The following CNTNAP2 variants were observed in gnomAD, a reference collection of about 807,000 sequenced individuals.
The protein encoded by CNTNAP2 is contactin-associated protein-like 2.
A neutral mutation model predicts 155.2 loss-of-function variants in CNTNAP2; 98 were observed. The observed-to-expected ratio is 0.63, with a 90% CI of 0.54 to 0.75. The LOEUF is 0.75. Among genes scored for constraint, CNTNAP2 ranks in the 30% least tolerant of loss-of-function variants. CNTNAP2 has a pLI of 0.00. For missense variants in CNTNAP2, 1,727 were observed against 1,688.1 expected (o/e 1.02, Z -0.40); for synonymous variants, 651 against 631.2 (o/e 1.03, Z -0.47).
intron 10 of CNTNAP2, among the ~76,000 whole-genome samples, chr7:147,450,594 C>T (rs1261886318): frequency 6.6e-6 from 1 of 152,140 alleles, no homozygotes; most frequent in Non-Finnish European, 1.5e-5. Flanking sequence ...AAAGAAGATA[C>T]CTTCCCACCT....
At chr7:147,640,200 C>T (rs1795250869) in intron 13 of CNTNAP2, among the ~76,000 whole-genome samples, 1 of 151,952 alleles carries the variant, frequency 6.6e-6, no homozygotes, top group African/African-American at 2.4e-5. Flanking sequence ...CTAAATCAAA[C>T]TAACATATGC....
intron 4 of CNTNAP2, among the ~76,000 whole-genome samples, chr7:147,101,338 G>T (rs1053334471): frequency 1.3e-5 from 2 of 152,194 alleles, no homozygotes; most frequent in African/African-American, 4.8e-5. Flanking sequence ...TGCAACAAGG[G>T]TGTGGCTCCA....
intron 21 of CNTNAP2, among the ~76,000 whole-genome samples, chr7:148,270,502 G>A (rs901363487): frequency 1.3e-5 from 2 of 152,156 alleles, no homozygotes; most frequent in East Asian, 1.9e-4. Flanking sequence ...CTACAAGCCT[G>A]TGACCTCCCT....
chr7:147,726,185 G>A (rs149887901), intron 13 of CNTNAP2, among the ~76,000 whole-genome samples: 12 of 152,048 alleles, frequency 7.9e-5, no homozygotes, highest in African/African-American at 2.4e-4. Context: ...CCTGTACAAC[G>A]TGATACCTAT....
At chr7:146,229,597 T>A (rs1208591160) in intron 1 of CNTNAP2, among the ~76,000 whole-genome samples, 2 of 145,926 alleles carry the variant, frequency 1.4e-5, no homozygotes, top group Non-Finnish European at 3.0e-5. Flanking sequence ...GTTACATTAA[T>A]TTTTTTTTTA....
intron 8 of CNTNAP2, among the ~76,000 whole-genome samples, chr7:147,171,496 A>G (rs1802226168): frequency 6.6e-6 from 1 of 152,124 alleles, no homozygotes. Flanking sequence ...AAAGACCAAA[A>G]AGTGAAGCTA....
chr7:146,138,070 G>A (rs1311960545), intron 1 of CNTNAP2, among the ~76,000 whole-genome samples: 3 of 152,028 alleles, frequency 2.0e-5, no homozygotes, highest in Non-Finnish European at 4.4e-5. Flanking sequence ...GCTAAAGCCA[G>A]ATATGTGACA....
At chr7:147,827,559 A>G (rs1484807158) in intron 13 of CNTNAP2, among the ~76,000 whole-genome samples, 1 of 152,204 alleles carries the variant, frequency 6.6e-6, no homozygotes, top group Non-Finnish European at 1.5e-5. Context: ...TCCTCGGTGT[A>G]TTTGGTAGAG....
intron 13 of CNTNAP2, among the ~76,000 whole-genome samples, chr7:147,872,679 G>A (rs1799348573): frequency 6.6e-6 from 1 of 152,152 alleles, no homozygotes; most frequent in African/African-American, 2.4e-5. Context: ...ATTATACTAT[G>A]AAGCTTTTGA....
At chr7:147,899,789 G>A (rs1799832940) in intron 13 of CNTNAP2, among the ~76,000 whole-genome samples, 1 of 151,990 alleles carries the variant, frequency 6.6e-6, no homozygotes, top group South Asian at 2.1e-4. Context: ...GGAGGCTGAA[G>A]CAGGAGAATC....
intron 15 of CNTNAP2, among the ~76,000 whole-genome samples, chr7:148,108,108 A>C (rs1350311387): frequency 1.3e-5 from 2 of 152,200 alleles, no homozygotes; most frequent in Non-Finnish European, 2.9e-5. Context: ...GGGAGGAGAC[A>C]GGGCAGGGGC....
At chr7:146,296,934 T>C (rs939563189) in intron 1 of CNTNAP2, among the ~76,000 whole-genome samples, 1 of 151,872 alleles carries the variant, frequency 6.6e-6, no homozygotes, top group Non-Finnish European at 1.5e-5. Context: ...AGTTATTTTG[T>C]ATAAAGATTA....
intron 15 of CNTNAP2, 88 bp downstream of exon 15, chr7:147,978,077 C>T: frequency 1.3e-6 from 2 of 1,534,360 alleles, no homozygotes; most frequent in Non-Finnish European, 1.8e-6. Flanking sequence ...TGCAATCAGA[C>T]TTGCTCTCCT....
chr7:148,235,893 G>A (rs757686721), intron 20 of CNTNAP2, among the ~76,000 whole-genome samples: 28 of 152,002 alleles, frequency 1.8e-4, no homozygotes, highest in Non-Finnish European at 3.8e-4. Context: ...CACTGTGTTA[G>A]CCAGGATGGT....
At chr7:147,501,923 A>G (rs1036436326) in intron 11 of CNTNAP2, among the ~76,000 whole-genome samples, 3 of 152,210 alleles carry the variant, frequency 2.0e-5, no homozygotes, top group Non-Finnish European at 4.4e-5. Context: ...TCTATACACT[A>G]CCAATGAACT....
intron 4 of CNTNAP2, among the ~76,000 whole-genome samples, chr7:147,086,168 G>A (rs1191806770): frequency 8.5e-5 from 13 of 152,140 alleles, no homozygotes; most frequent in African/African-American, 3.1e-4. Context: ...ATTTTAATGT[G>A]AACGTAGTGA....
intron 1 of CNTNAP2, among the ~76,000 whole-genome samples, chr7:146,385,412 T>A (rs1435225872): frequency 3.9e-5 from 6 of 152,084 alleles, no homozygotes; most frequent in Non-Finnish European, 7.3e-5. Flanking sequence ...CAAAACAAAA[T>A]GCAAAGAATA....
intron 1 of CNTNAP2, among the ~76,000 whole-genome samples, chr7:146,721,321 A>ATATATACATTC (rs1158111641): frequency 2.3e-5 from 3 of 130,902 alleles, no homozygotes; most frequent in African/African-American, 8.6e-5. Context: ...TATATATTCT[A>ATATATACATTC]TATATACATT....
intron 2 of CNTNAP2, among the ~76,000 whole-genome samples, chr7:146,802,957 A>T (rs1022288562): frequency 3.9e-5 from 6 of 152,206 alleles, no homozygotes; most frequent in African/African-American, 1.4e-4. Flanking sequence ...TATGAAGAGA[A>T]GTGACTGACA....
Sources: gnomAD v4.1 joint callset for allele counts (sites outside exome capture counted in the v4.1 genomes callset) on GRCh38, gnomAD v4.1.1 for gene constraint, MANE v1.5 for transcripts, NCBI Gene and HGNC (gene_info 2026-07-23, HGNC 2026-07-21) for gene names.